Variants in ZNF469 observed in about 807,000 individuals in gnomAD.
ZNF469 encodes zinc finger protein 469.
ZNF469 carries 1 observed loss-of-function variant against 1.0 expected under a neutral mutation model. That is an observed-to-expected ratio of 1.00 (90% CI 0.35 to 4.73). The LOEUF (loss-of-function observed/expected upper bound fraction) is 4.73. Among genes scored for constraint, ZNF469 ranks in the 30% most tolerant of loss-of-function variants. The pLI is 0.16. For missense variants in ZNF469, 6,100 were observed against 5,356.3 expected, an observed-to-expected ratio of 1.14 and a Z score of -4.33; for synonymous variants, 2,703 against 2,363.4, an observed-to-expected ratio of 1.14 and a Z score of -4.17.
At chr16:88,252,366 C>A in the ZNF469 span, among the ~76,000 whole-genome samples, 2 of 150,892 alleles carry the variant, frequency 1.3e-5, no homozygotes, top group African/African-American at 4.9e-5. Context: ...CAGTCTTGCC[C>A]CTCATCTCTG....
the ZNF469 span, among the ~76,000 whole-genome samples, chr16:88,296,413 C>T: frequency 1.3e-5 from 2 of 152,120 alleles, no homozygotes; most frequent in Non-Finnish European, 2.9e-5. Context: ...TGTGCACACC[C>T]ATGCTCACAC....
At chr16:88,292,147 A>G in the ZNF469 span, among the ~76,000 whole-genome samples, 14 of 152,154 alleles carry the variant, frequency 9.2e-5, no homozygotes, top group Non-Finnish European at 1.6e-4. Flanking sequence ...GGACTTCCAG[A>G]GGCAGAGGGG....
chr16:88,197,505 G>A, the ZNF469 span, among the ~76,000 whole-genome samples: 1 of 152,244 alleles, frequency 6.6e-6, no homozygotes, highest in East Asian at 1.9e-4. Flanking sequence ...GTGGGCCAAG[G>A]AATTGGGATG....
the ZNF469 span, among the ~76,000 whole-genome samples, chr16:88,242,145 G>A: frequency 4.6e-5 from 7 of 152,182 alleles, no homozygotes; most frequent in Admixed American, 1.3e-4. Context: ...AAAGGCACTC[G>A]AGCCCAGCGC....
the ZNF469 span, among the ~76,000 whole-genome samples, chr16:88,355,568 C>T: frequency 1.3e-5 from 2 of 152,214 alleles, no homozygotes; most frequent in South Asian, 4.1e-4. Flanking sequence ...CCAGGCCAGG[C>T]CCTCAGATCT....
chr16:88,204,211 A>G, the ZNF469 span, among the ~76,000 whole-genome samples: 1 of 97,888 alleles, frequency 1.0e-5, no homozygotes, highest in Non-Finnish European at 2.2e-5. Flanking sequence ...CCTCATAGAG[A>G]AGCGGGAGGC....
the ZNF469 span, among the ~76,000 whole-genome samples, chr16:88,104,566 C>T: frequency 2.0e-5 from 3 of 152,370 alleles, no homozygotes; most frequent in East Asian, 1.9e-4. Context: ...CTGTCCCATG[C>T]GTGGGTCACG....
At chr16:88,337,215 G>A in the ZNF469 span, among the ~76,000 whole-genome samples, 1 of 152,338 alleles carries the variant, frequency 6.6e-6, no homozygotes, top group South Asian at 2.1e-4. Flanking sequence ...ATTCCCGCAT[G>A]TGGCAGGAAG....
chr16:88,276,596 C>G, the ZNF469 span: 41 of 152,260 alleles, frequency 2.7e-4, no homozygotes, highest in Non-Finnish European at 4.6e-4. Context: ...GTTTTCTCTT[C>G]TCTTTAAAGC....
At position 88,439,001 on chromosome 16, in the gene ZNF469, C is replaced by G. The variant is rs777126253; in HGVS notation, c.11531C>G (p.Pro3844Arg). The change falls in exon 3 of 3, where the codon CCC becomes CGC. Residue 3844 changes from proline (P) to arginine (R), a missense_variant. Coordinates refer to ENST00000565624, the MANE Select transcript of ZNF469 (RefSeq NM_001367624.2). ...FGRAPSAPDK[P>R]PRTPRKQATP... is the part of the protein sequence containing the mutation. ...AGAGCCCCCTCAGCCCCTGACAAGC[C>G]CCCCCGGACCCCTCGGAAGCAGGCA... 9.0e-6 allele frequency: 14 copies of G among 1,550,302 alleles called. No homozygotes were observed. Among genetic ancestry groups the G allele is most frequent in the African/African-American group, 1.4e-5 (1 of 73,052 alleles).
chr16:88,172,777 C>A, the ZNF469 span, among the ~76,000 whole-genome samples: 1 of 152,100 alleles, frequency 6.6e-6, no homozygotes, highest in African/African-American at 2.4e-5. Context: ...TATAAAAGGT[C>A]ACAAGCGAAA....
the ZNF469 span, among the ~76,000 whole-genome samples, chr16:88,188,805 T>C: frequency 4.0e-4 from 61 of 152,252 alleles, no homozygotes; most frequent in African/African-American, 1.4e-3. Flanking sequence ...TACATGTCTG[T>C]GAGATTCCGG....
the ZNF469 span, chr16:88,177,146 C>T: frequency 6.6e-6 from 1 of 152,234 alleles, no homozygotes; most frequent in African/African-American, 2.4e-5. The surrounding 1 kb of genome is among the most constrained non-coding windows in gnomAD (Gnocchi z 4.8). Context: ...CACCCCTTCG[C>T]TCATCTGGAT....
At position 88,430,910 on chromosome 16, in the gene ZNF469, G is replaced by A. The variant is rs766943377; in HGVS notation, c.3440G>A (p.Gly1147Asp). 1.2e-5 allele frequency: 18 copies of A among 1,537,346 alleles called. No homozygotes were observed. Among genetic ancestry groups the A allele is most frequent in the Middle Eastern group, 1.9e-4 (1 of 5,390 alleles). ...CGGAAGGCGGCGAGGCAGGAAGCCGGCGGGGACGGAGCCCCCGCGAACCCC... is the reference window on the plus strand; with the variant it reads ...CGGAAGGCGGCGAGGCAGGAAGCCGACGGGGACGGAGCCCCCGCGAACCCC... ...KPRKAARQEA[G>D]GDGAPANPEE... The change falls in exon 3 of 3, where the codon GGC becomes GAC. Residue 1147 changes from glycine (G) to aspartate (D), a missense_variant. Physicochemically the swap from Gly to Asp is moderately conservative, Grantham distance 94. Transcript: ENST00000565624.
the ZNF469 span, among the ~76,000 whole-genome samples, chr16:88,111,396 C>A: frequency 6.6e-6 from 1 of 152,178 alleles, no homozygotes; most frequent in Non-Finnish European, 1.5e-5. Flanking sequence ...CTGTTACAAA[C>A]AAGCCAGTGA....
rs1425767356 is a variant in ZNF469 at position 88,429,779 on chromosome 16, C to T, written c.2309C>T (p.Pro770Leu). The change falls in exon 3 of 3, where the codon CCC becomes CTC. Residue 770 changes from proline to leucine, a missense_variant. Coordinates refer to ENST00000565624, the MANE Select transcript of ZNF469 (RefSeq NM_001367624.2). ...AKDGHQRSPG[P>L]PGLPSPPAAP... The stretch of plus-strand genomic sequence containing the variant: ...GATGGCCACCAGCGGTCTCCAGGCC[C>T]CCCTGGGCTCCCCTCGCCCCCCGCT... 16 of 1,544,348 alleles carry T rather than the reference C, an allele frequency of 1.0e-5. 1 individual carries two copies. In the East Asian group the frequency reaches 1.7e-4, roughly 17 times the overall value.
At chr16:88,317,611 C>T in the ZNF469 span, among the ~76,000 whole-genome samples, 3 of 152,218 alleles carry the variant, frequency 2.0e-5, no homozygotes, top group Admixed American at 2.0e-4. Flanking sequence ...AGGGGCAGTG[C>T]CCGCCGGCAG....
At chr16:88,109,872 G>A in the ZNF469 span, among the ~76,000 whole-genome samples, 1 of 152,242 alleles carries the variant, frequency 6.6e-6, no homozygotes, top group Non-Finnish European at 1.5e-5. Flanking sequence ...CAGGGGCTTT[G>A]CCAGCTTGCT....
the ZNF469 span, among the ~76,000 whole-genome samples, chr16:88,311,770 T>C: frequency 6.6e-6 from 1 of 152,220 alleles, no homozygotes; most frequent in Non-Finnish European, 1.5e-5. Flanking sequence ...TAAACTTGGA[T>C]TGAGTTGGCC....
Sources: allele counts gnomAD v4.1 joint callset (sites outside exome capture counted in the v4.1 genomes callset), GRCh38; gene constraint gnomAD v4.1.1; non-coding constraint Gnocchi (gnomAD v3.1); transcripts MANE v1.5; gene names NCBI Gene and HGNC (gene_info 2026-07-23, HGNC 2026-07-21).